The following CLEC16A variants were observed in gnomAD, a reference collection of about 807,000 sequenced individuals.
CLEC16A encodes the protein C-type lectin domain containing 16A, also known as protein CLEC16A.
CLEC16A carries 51 observed loss-of-function variants against 109.5 expected under a neutral mutation model. The observed-to-expected ratio is 0.47, with a 90% CI of 0.37 to 0.59. The LOEUF (loss-of-function observed/expected upper bound fraction) is 0.59, where lower values mean the gene tolerates loss of function less well. Among genes scored for constraint, CLEC16A ranks in the 20% least tolerant of loss-of-function variants. The probability of loss-of-function intolerance (pLI) is 0.00; values close to 1 mark genes in which losing one functional copy is unlikely to be tolerated. For synonymous variants in CLEC16A, 673 were observed against 564.2 expected, an observed-to-expected ratio of 1.19 and a Z score of -2.73; for missense variants, 1,339 against 1,394.0, an observed-to-expected ratio of 0.96 and a Z score of 0.63.
At chr16:11,107,156 T>G (rs1284534903) in intron 19 of CLEC16A, among the ~76,000 whole-genome samples, 2 of 152,116 alleles carry the variant, frequency 1.3e-5, no homozygotes, top group East Asian at 1.9e-4. Flanking sequence ...GGTCCCAGTT[T>G]CCCCGGGTAA....
At chr16:10,944,851 G>A (rs1170946448) in intron 1 of CLEC16A, 54 bp downstream of exon 1, 5 of 1,483,190 alleles carry the variant, frequency 3.4e-6, no homozygotes, top group African/African-American at 2.8e-5. Context: ...GGGACGGGGC[G>A]CCGAGCTCCG....
At chr16:11,021,419 G>A (rs1404855041) in intron 12 of CLEC16A, among the ~76,000 whole-genome samples, 1 of 152,228 alleles carries the variant, frequency 6.6e-6, no homozygotes, top group African/African-American at 2.4e-5. Context: ...CCTTGGCACA[G>A]CATTCTTTAG....
At chr16:11,160,341 T>C (rs1260410324) in intron 22 of CLEC16A, among the ~76,000 whole-genome samples, 2 of 152,196 alleles carry the variant, frequency 1.3e-5, no homozygotes, top group Non-Finnish European at 1.5e-5. Flanking sequence ...CCTCGCTCTT[T>C]CTGGGTCTTA....
chr16:11,059,185 C>T (rs769181284), intron 18 of CLEC16A, among the ~76,000 whole-genome samples: 4 of 152,222 alleles, frequency 2.6e-5, no homozygotes, highest in Non-Finnish European at 5.9e-5. Flanking sequence ...CAGTTCCTGC[C>T]ACCCCGTAAG....
chr16:11,133,264 G>A (rs989701220), intron 22 of CLEC16A, among the ~76,000 whole-genome samples: 3 of 151,940 alleles, frequency 2.0e-5, no homozygotes, highest in Non-Finnish European at 2.9e-5. Context: ...ACTTGAACCC[G>A]GGAGGTGGAG....
rs576964544 is a variant in CLEC16A at position 11,166,032 on chromosome 16, G to A, written c.2642-356G>A. Among the ~76,000 whole-genome samples, 110 of 152,260 alleles carry A rather than the reference G, an allele frequency of 7.2e-4. No homozygotes were observed. The Middle Eastern group carries it at 0.01, about 14-fold the overall frequency. ...GCAGAAGCCTGAGACTCTACCATGA[G>A]GGCATCTAGCATCCCTGGGTGAACT... is the stretch of plus-strand genomic sequence containing the variant. On this transcript the variant is annotated intron_variant, in intron 22 of 23. Coordinates refer to ENST00000409790, the MANE Select transcript of CLEC16A (RefSeq NM_015226.3).
chr16:11,125,939 C>G (rs943792055), intron 21 of CLEC16A, 40 bp from the exon 22 acceptor site: 1 of 1,202,440 alleles, frequency 8.3e-7, no homozygotes, highest in Non-Finnish European at 1.1e-6. Context: ...CCCCTCTATC[C>G]CACATGCTCA....
At chr16:11,099,690 G>A (rs867936932) in intron 19 of CLEC16A, among the ~76,000 whole-genome samples, 16 of 152,270 alleles carry the variant, frequency 1.1e-4, no homozygotes, top group Admixed American at 5.9e-4. Flanking sequence ...GGGCCCAGGC[G>A]TCCTCGTCTG....
intron 19 of CLEC16A, among the ~76,000 whole-genome samples, chr16:11,066,055 G>A (rs958330346): frequency 7.9e-5 from 12 of 152,168 alleles, no homozygotes; most frequent in Non-Finnish European, 1.5e-4. Flanking sequence ...ATGGACTCAG[G>A]GGCCAGACTG....
At chr16:11,152,541 C>T (rs182977221) in intron 22 of CLEC16A, among the ~76,000 whole-genome samples, 94 of 152,372 alleles carry the variant, frequency 6.2e-4, no homozygotes, top group Non-Finnish European at 1.0e-4. Flanking sequence ...TTGCACCTGT[C>T]AGAGCAGGGC....
At chr16:11,013,219 GT>G (rs1344353071) in intron 11 of CLEC16A, among the ~76,000 whole-genome samples, 2 of 152,152 alleles carry the variant, frequency 1.3e-5, no homozygotes, top group Non-Finnish European at 2.9e-5. Context: ...ATGCAACAAT[GT>G]TGAATGAAAT....
chr16:11,178,226 C>T lies in CLEC16A; in HGVS notation c.2807-109C>T, dbSNP rs2068835669. 1 of 966,806 alleles carries T rather than the reference C, an allele frequency of 1.0e-6. No individual in the cohort carries two copies. Among genetic ancestry groups the T allele is most frequent in the Non-Finnish European group, 1.6e-6 (1 of 635,446 alleles). 59.9% of individuals were successfully genotyped at this position (966,806 alleles called of 1,614,324 possible). On this transcript the variant is annotated intron_variant, in intron 23 of 23. Coordinates refer to ENST00000409790, the MANE Select transcript of CLEC16A (RefSeq NM_015226.3). This position sits in a 1 kb window ranked among gnomAD's most constrained non-coding sequence, Gnocchi z 6.5. Reference sequence around the variant, plus strand: ...GCTGAGCCCTCACGCCAGCCAGCCACCTCCCACCTAGCTCACCAGGGCCGC... The same window carrying T: ...GCTGAGCCCTCACGCCAGCCAGCCATCTCCCACCTAGCTCACCAGGGCCGC...
At chr16:10,978,460 CG>C (rs1318903897) in intron 8 of CLEC16A, among the ~76,000 whole-genome samples, 28 of 152,144 alleles carry the variant, frequency 1.8e-4, no homozygotes, top group Non-Finnish European at 3.7e-4. Context: ...TTAGTAGAAA[CG>C]GGGTTTCACC....
Position 11,012,594 on chromosome 16 carries a change from CAAAAAAAAAA to C in CLEC16A, c.1304-7581_1304-7572del, listed in dbSNP as rs551902895. 1.0e-3 allele frequency among the ~76,000 whole-genome samples: 68 copies of C among 67,938 alleles called. 2 individuals carry two copies. Among genetic ancestry groups the C allele is most frequent in the South Asian group, 3.8e-3 (6 of 1,568 alleles). The allele number at this position is 67,938 out of a possible 152,430, so 44.6% of individuals were successfully genotyped here. ...TGGGCGATAGAGTGAGACTCCGTCT[CAAAAAAAAAA>C]AAAAAAAAAAAAAAAAAGAAAGATT... On this transcript the variant is annotated intron_variant, in intron 11 of 23. Coordinates refer to ENST00000409790, the MANE Select transcript of CLEC16A (RefSeq NM_015226.3).
intron 13 of CLEC16A, chr16:11,035,996 T>C (rs1436406163): frequency 2.0e-5 from 3 of 152,316 alleles, no homozygotes; most frequent in African/African-American, 4.8e-5. Flanking sequence ...GTTTCTGTTA[T>C]ATAGTTTTGC....
chr16:11,125,910 C>A, intron 21 of CLEC16A, 69 bp from the exon 22 acceptor site: 3 of 212,114 alleles, frequency 1.4e-5, no homozygotes, highest in Non-Finnish European at 2.0e-5. Flanking sequence ...GATGTCCCCC[C>A]CCCCAAATTC....
chr16:11,095,832 A>G lies in CLEC16A; in HGVS notation c.2117-24783A>G, dbSNP rs540025765. 1.6e-4 allele frequency among the ~76,000 whole-genome samples: 25 copies of G among 151,606 alleles called. No homozygotes were observed. The South Asian group carries it at 5.2e-3, about 32-fold the overall frequency. On this transcript the variant is annotated intron_variant, in intron 19 of 23. Transcript: ENST00000409790. ...GTCTCAAAAAGAAAAAAAAAAAAAA[A>G]AAAAAGGGAGCTAGAAGCGTAGCTG... is the stretch of plus-strand genomic sequence containing the variant.
chr16:11,083,399 A>G (rs2049843138), intron 19 of CLEC16A, among the ~76,000 whole-genome samples: 1 of 152,172 alleles, frequency 6.6e-6, no homozygotes, highest in African/African-American at 2.4e-5. Context: ...CCTGGGCTCA[A>G]GCTATCCTTC....
At chr16:11,018,046 G>A (rs555510075) in intron 11 of CLEC16A, among the ~76,000 whole-genome samples, 3 of 150,174 alleles carry the variant, frequency 2.0e-5, no homozygotes, top group Admixed American at 6.6e-5. Context: ...GGTGGCTCAC[G>A]CCTATAATCC....
Sources: allele counts gnomAD v4.1 joint callset (sites outside exome capture counted in the v4.1 genomes callset), GRCh38; gene constraint gnomAD v4.1.1; non-coding constraint Gnocchi (gnomAD v3.1); transcripts MANE v1.5; gene names NCBI Gene and HGNC (gene_info 2026-07-23, HGNC 2026-07-21).